NLGN2: variants seen among roughly 807,000 people sequenced by gnomAD.
NLGN2 encodes the protein neuroligin-2.
A neutral mutation model predicts 48.6 loss-of-function variants in NLGN2; 11 were observed. The ratio of observed to expected loss-of-function variants is 0.23; its 90% confidence interval spans 0.14 to 0.37. The LOEUF is 0.37. NLGN2 is among the 10% of genes least tolerant of loss of function. NLGN2 has a pLI of 1.00. For synonymous variants in NLGN2, 548 were observed against 550.0 expected, an observed-to-expected ratio of 1.00 and a Z score of 0.05; for missense variants, 801 against 1,225.2, an observed-to-expected ratio of 0.65 and a Z score of 5.17.
Position 7,417,215 on chromosome 17 carries a change from C to G in NLGN2, c.1924C>G (p.Arg642Gly). ...CCCCGCTGGCGCCCCGGGCACACGC[C>G]GGCCCCCGCCGCCTGCCACCCTGCC... ...RPPAGAPGTR[R>G]PPPPATLPPE... Residue 642 changes from arginine (R) to glycine (G), a missense_variant, in exon 7 of 7, where the codon CGG (arginine) becomes GGG (glycine). Physicochemically the swap from Arg to Gly is moderately radical, Grantham distance 125. Transcript: ENST00000302926. The G allele has an allele frequency of 2.0e-6, 3 of 1,536,418 alleles. No individual in the cohort carries two copies. The highest frequency in any genetic ancestry group is 2.6e-6 in the Non-Finnish European group (3 of 1,144,670).
At position 7,417,244 on chromosome 17, in the gene NLGN2, C is replaced by G. The variant is rs771912522; in HGVS notation, c.1953C>G (p.Pro651=). 6.5e-7 allele frequency: 1 copy of G among 1,537,796 alleles called. No individual in the cohort carries two copies. The highest frequency in any genetic ancestry group is 8.7e-7 in the Non-Finnish European group (1 of 1,146,094). Residue 651 remains proline (P), a synonymous_variant, in exon 7 of 7, where the codon CCC becomes CCG. Coordinates refer to ENST00000302926, the MANE Select transcript of NLGN2 (RefSeq NM_020795.4). ...CCCCGCCGCCTGCCACCCTGCCTCC[C>G]GAGCCCGAGCCCGAGCCCGGCCCAA... ...RRPPPPATLP[P]EPEPEPGPRA...
rs575292480 is a variant in NLGN2 at position 7,411,663 on chromosome 17, G to T, written c.458-494G>T. On this transcript the variant is annotated intron_variant, in intron 1 of 6. Coordinates refer to ENST00000302926, the MANE Select transcript of NLGN2 (RefSeq NM_020795.4). This position sits in a 1 kb window ranked among gnomAD's most constrained non-coding sequence, Gnocchi z 4.5. ...CAGTCTCTCCTCCCTACAGCCTTGT[G>T]GGGGGCGGCAGGCAGGTGCTTCGCT... 6.6e-6 allele frequency among the ~76,000 whole-genome samples: 1 copy of T among 152,118 alleles called. No individual in the cohort carries two copies. The highest frequency in any genetic ancestry group is 1.5e-5 in the Non-Finnish European group (1 of 67,998).
Position 7,411,308 on chromosome 17 carries a change from G to T in NLGN2, c.458-849G>T, listed in dbSNP as rs76356712. The stretch of plus-strand genomic sequence containing the variant: ...CCCTGGTGGGAAATTCACCATTTTG[G>T]GGGGAGGAGAGGAAGCCTGGGTAAG... On this transcript the variant is annotated intron_variant, in intron 1 of 6. Transcript: ENST00000302926. The surrounding 1 kb of genome is among the most constrained non-coding windows in gnomAD (Gnocchi z 4.5). Among the ~76,000 whole-genome samples, 23 of 152,170 alleles carry T rather than the reference G, an allele frequency of 1.5e-4. No individual in the cohort carries two copies. Among genetic ancestry groups the T allele is most frequent in the Admixed American group, 3.9e-4 (6 of 15,278 alleles).
chr17:7,417,290 G>C lies in NLGN2; in HGVS notation c.1999G>C (p.Gly667Arg). The C allele has an allele frequency of 6.2e-7, 1 of 1,600,584 alleles. No individual in the cohort carries two copies. The highest frequency in any genetic ancestry group is 8.5e-7 in the Non-Finnish European group (1 of 1,175,104). Reference protein sequence around the residue: ...PGPRAYDRFPGDSRDYSTELS... With the variant: ...PGPRAYDRFPRDSRDYSTELS... The stretch of plus-strand genomic sequence containing the variant: ...CCCAAGGGCCTATGACCGCTTCCCC[G>C]GGGACTCACGGGACTACTCCACGGA... The change falls in exon 7 of 7, where the codon GGG (glycine) becomes CGG (arginine). Residue 667 changes from glycine to arginine, a missense_variant. This residue lies in a region of NLGN2 where 276 missense variants were observed against 313.9 expected (regional missense o/e 0.88). Transcript: ENST00000302926.
chr17:7,417,933 G>T lies in NLGN2; in HGVS notation c.*134G>T. The T allele has an allele frequency of 1.3e-6, 1 of 762,670 alleles. No homozygotes were observed. The highest frequency in any genetic ancestry group is 1.8e-6 in the Non-Finnish European group (1 of 554,442). The allele number at this position is 762,670 out of a possible 1,614,324, so 47.2% of individuals were successfully genotyped here. A position where few individuals can be genotyped will look rare whatever the true frequency, so the allele number is the denominator to read the frequency against. On this transcript the variant is annotated 3_prime_UTR_variant, in exon 7 of 7. Transcript: ENST00000302926. ...ATCCAGCAGCGCTAAGGTGGACATGGGATTCCTCCCTGCGATGCGTGTCTT... is the reference window on the plus strand; with the variant it reads ...ATCCAGCAGCGCTAAGGTGGACATGTGATTCCTCCCTGCGATGCGTGTCTT...
Position 7,417,464 on chromosome 17 carries a change from G to T in NLGN2, c.2173G>T (p.Gly725Trp). ...CGGCTCAGGCTCTGGCGTGCCTGGT[G>T]GGGGCCCCCTGCTCCCCGCCGCGGG... ...PGGSGSGVPGGGPLLPAAGRE... is the reference protein window; with the variant it reads ...PGGSGSGVPGWGPLLPAAGRE... The change falls in exon 7 of 7, where the codon GGG becomes TGG. Residue 725 changes from glycine (G) to tryptophan (W), a missense_variant. Coordinates refer to ENST00000302926, the MANE Select transcript of NLGN2 (RefSeq NM_020795.4). The T allele has an allele frequency of 6.4e-7, 1 of 1,556,266 alleles. No homozygotes were observed.
At chr17:7,410,607 A>G (rs144366268) in intron 1 of NLGN2, among the ~76,000 whole-genome samples, 22 of 152,094 alleles carry the variant, frequency 1.4e-4, no homozygotes, top group Non-Finnish European at 2.5e-4. Context: ...GTCACCTTCC[A>G]TGTGAAACAT....
rs752059943 is a variant in NLGN2, at chr17:7,415,747, A to T, written c.1274A>T (p.Asp425Val). 6.2e-7 allele frequency: 1 copy of T among 1,614,246 alleles called. No homozygotes were observed. Among genetic ancestry groups the T allele is most frequent in the Non-Finnish European group, 8.5e-7 (1 of 1,180,046 alleles). Residue 425 changes from aspartate (D) to valine (V), a missense_variant, in exon 6 of 7, where the codon GAT (aspartate) becomes GTT (valine). By Grantham distance (152) the Asp-to-Val change is radical. Around this residue, in one of 5 missense-constraint regions of NLGN2, gnomAD observed 303 missense variants for 600.1 expected, o/e 0.50. Coordinates refer to ENST00000302926, the MANE Select transcript of NLGN2 (RefSeq NM_020795.4). ...DNLYGYPEGK[D>V]VLRETIKFMY... ...CTGTATGGCTACCCGGAAGGCAAGG[A>T]TGTGCTTCGGGAGACCATCAAGTTT...
At chr17:7,407,348 A>G (rs1906687354), upstream of NLGN2, among the ~76,000 whole-genome samples, 1 of 152,094 alleles carries the variant, frequency 6.6e-6, no homozygotes, top group Non-Finnish European at 1.5e-5. Flanking sequence ...AGGTACCCCA[A>G]CTTCTGACGG....
At position 7,411,459 on chromosome 17, in the gene NLGN2, C is replaced by T. The variant is rs1282348167; in HGVS notation, c.458-698C>T. ...AGCCAGGCCTGTGAGTGTGGATAGA[C>T]GAGAAGTGCTGGTGGTGAGGCTGGG... On this transcript the variant is annotated intron_variant, in intron 1 of 6. Transcript: ENST00000302926. The surrounding 1 kb of genome is among the most constrained non-coding windows in gnomAD (Gnocchi z 4.5). Among the ~76,000 whole-genome samples the T allele has an allele frequency of 2.6e-5, 4 of 152,264 alleles. No homozygotes were observed. The highest frequency in any genetic ancestry group is 1.9e-4 in the East Asian group (1 of 5,174).
chr17:7,410,666 C>T (rs1906844416), intron 1 of NLGN2, among the ~76,000 whole-genome samples: 1 of 152,194 alleles, frequency 6.6e-6, no homozygotes, highest in Non-Finnish European at 1.5e-5. Flanking sequence ...CACCTCCACA[C>T]AGTTGTCCAC....
At chr17:7,416,168 G>A (rs1439318651) in intron 6 of NLGN2, 61 bp downstream of exon 6, 19 of 1,375,150 alleles carry the variant, frequency 1.4e-5, no homozygotes, top group Middle Eastern at 1.8e-4. Flanking sequence ...CATGGCCGCC[G>A]TTCCTCTGTT....
chr17:7,406,266 T>G (rs1452554778), upstream of NLGN2, among the ~76,000 whole-genome samples: 4 of 133,556 alleles, frequency 3.0e-5, no homozygotes, highest in African/African-American at 2.8e-5. Flanking sequence ...AGGAGAGAGA[T>G]GGGGGGGCCT....
chr17:7,413,451 G>A lies in NLGN2; in HGVS notation c.509-893G>A, dbSNP rs1345057340. Among the ~76,000 whole-genome samples, 3 of 152,218 alleles carry A rather than the reference G, an allele frequency of 2.0e-5. No homozygotes were observed. Among genetic ancestry groups the A allele is most frequent in the African/African-American group, 4.8e-5 (2 of 41,456 alleles). ...GGCCTGTGGGCCAGGGGTGACCCCA[G>A]CCCTAGCACTATGGCTGAATCATGG... is the stretch of plus-strand genomic sequence containing the variant. On this transcript the variant is annotated intron_variant, in intron 2 of 6. Transcript: ENST00000302926. The surrounding 1 kb of genome is among the most constrained non-coding windows in gnomAD (Gnocchi z 4.9).
Position 7,417,601 on chromosome 17 carries a change from C to T in NLGN2, c.2310C>T (p.Thr770=). Residue 770 remains threonine, a synonymous_variant, in exon 7 of 7, where the codon ACC becomes ACT. Transcript: ENST00000302926. ...GCCCTGCCTGCCCGCCCGACTACACCCTGGCCCTGCGCCGGGCACCGGACG... is the reference window on the plus strand; with the variant it reads ...GCCCTGCCTGCCCGCCCGACTACACTCTGGCCCTGCGCCGGGCACCGGACG... ...ALRPACPPDY[T]LALRRAPDDV... is the part of the protein sequence containing the mutation. 2 of 1,425,778 alleles carry T rather than the reference C, an allele frequency of 1.4e-6. No homozygotes were observed. Among genetic ancestry groups the T allele is most frequent in the Admixed American group, 2.8e-5 (1 of 35,416 alleles). 88.3% of individuals were successfully genotyped at this position (1,425,778 alleles called of 1,614,324 possible).
intron 1 of NLGN2, among the ~76,000 whole-genome samples, chr17:7,409,760 A>G (rs1906800149): frequency 6.6e-6 from 1 of 152,112 alleles, no homozygotes; most frequent in South Asian, 2.1e-4. Context: ...CCCAAAACAG[A>G]TGGCAAATCC....
In NLGN2 at chr17:7,414,486, G is replaced by A. The variant is rs778407904; in HGVS notation, c.651G>A (p.Gly217=). 3 of 1,612,988 alleles carry A rather than the reference G, an allele frequency of 1.9e-6. No individual in the cohort carries two copies. Among genetic ancestry groups the A allele is most frequent in the Non-Finnish European group, 8.5e-7 (1 of 1,179,010 alleles). ...VIVATLNYRL[G]VLGFLSTGDQ... ...TAGCCACGCTCAACTACCGTCTTGG[G>A]GTGCTCGGTGAGGGTGGGCAGCCAA... The change falls in exon 3 of 7, where the codon GGG becomes GGA. Residue 217 remains glycine, a synonymous_variant. Coordinates refer to ENST00000302926, the MANE Select transcript of NLGN2 (RefSeq NM_020795.4).
intron 2 of NLGN2, among the ~76,000 whole-genome samples, chr17:7,412,539 A>T (rs931005341): frequency 6.6e-6 from 1 of 152,170 alleles, no homozygotes; most frequent in African/African-American, 2.4e-5. Flanking sequence ...AGAAATCTGG[A>T]CAGTTTTGAA....
chr17:7,417,748 C>T lies in NLGN2; in HGVS notation c.2457C>T (p.Ala819=), dbSNP rs62061175. 572,523 of 1,225,472 alleles carry T rather than the reference C, an allele frequency of 0.47. 141,416 individuals carry two copies. Among genetic ancestry groups the T allele is most frequent in the Non-Finnish European group, 0.5 (470,931 of 935,588 alleles). 75.9% of individuals were successfully genotyped at this position (1,225,472 alleles called of 1,614,324 possible). ...CCTTCCCCCCGCCCCCTCCCACCGCCACCAGCCACAACAACACGCTACCCC... is the reference window on the plus strand; with the variant it reads ...CCTTCCCCCCGCCCCCTCCCACCGCTACCAGCCACAACAACACGCTACCCC... ...FGPFPPPPPT[A]TSHNNTLPHP... The change falls in exon 7 of 7, where the codon GCC becomes GCT. Residue 819 remains alanine (A), a synonymous_variant. Transcript: ENST00000302926.
Sources: allele counts gnomAD v4.1 joint callset (sites outside exome capture counted in the v4.1 genomes callset), GRCh38; gene constraint gnomAD v4.1.1; regional missense constraint gnomAD v4.1.1; non-coding constraint Gnocchi (gnomAD v3.1); transcripts MANE v1.5; gene names NCBI Gene and HGNC (gene_info 2026-07-23, HGNC 2026-07-21).